CFTR: variants seen among roughly 807,000 people sequenced by gnomAD.
The protein encoded by CFTR is CF transmembrane conductance regulator, also known as cystic fibrosis transmembrane conductance regulator.
CFTR carries 181 observed loss-of-function variants against 171.6 expected under a neutral mutation model. The observed-to-expected ratio is 1.05, with a 90% CI of 0.93 to 1.19. The LOEUF (loss-of-function observed/expected upper bound fraction) is 1.19. Ranked by LOEUF, CFTR falls within the 50% of genes most tolerant of loss-of-function variation. The pLI, the probability that CFTR is intolerant of heterozygous loss-of-function variation, is 0.00. For synonymous variants in CFTR, 583 were observed against 608.0 expected, an observed-to-expected ratio of 0.96 and a Z score of 0.60; for missense variants, 1,968 against 1,734.7, an observed-to-expected ratio of 1.13 and a Z score of -2.39.
Position 117,509,049 on chromosome 7 carries a change from G to A in CFTR, c.180G>A (p.Glu60=), listed in dbSNP as rs569426839. 4.3e-6 allele frequency: 7 copies of A among 1,609,636 alleles called. No homozygotes were observed. In the African/African-American group the frequency reaches 8.0e-5, roughly 18 times the overall value. The change falls in exon 3 of 27, where the codon GAG becomes GAA. Residue 60 remains glutamate (E), a synonymous_variant. Transcript: ENST00000003084. ...SEKLEREWDR[E]LASKKNPKLI... ...TCTTTTGCAGAGAATGGGATAGAGA[G>A]CTGGCTTCAAAGAAAAATCCTAAAC... is the stretch of plus-strand genomic sequence containing the variant.
intron 24 of CFTR, among the ~76,000 whole-genome samples, chr7:117,658,586 A>G (rs1793217012): frequency 6.6e-6 from 1 of 152,152 alleles, no homozygotes; most frequent in Non-Finnish European, 1.5e-5. Context: ...TATGTCAATA[A>G]GTGAGTTCCT....
chr7:117,546,703 TAC>T (rs991578918), intron 9 of CFTR, among the ~76,000 whole-genome samples: 2 of 152,218 alleles, frequency 1.3e-5, no homozygotes, highest in Admixed American at 6.5e-5. Context: ...CTAAGCATGA[TAC>T]TCACAACTTT....
intron 19 of CFTR, among the ~76,000 whole-genome samples, 196 bp from the exon 20 acceptor site, chr7:117,611,385 A>G (rs1324228852): frequency 1.3e-5 from 2 of 152,158 alleles, no homozygotes; most frequent in Non-Finnish European, 2.9e-5. Context: ...AGCCAAGTAA[A>G]AAAAGAGGGT....
intron 11 of CFTR, among the ~76,000 whole-genome samples, chr7:117,565,566 G>C (rs1286224840): frequency 6.6e-6 from 1 of 152,150 alleles, no homozygotes; most frequent in African/African-American, 2.4e-5. Flanking sequence ...GAGTGAGAAG[G>C]AGGTCAGAGC....
chr7:117,482,471 C>T (rs1448930756), intron 1 of CFTR, among the ~76,000 whole-genome samples: 1 of 151,884 alleles, frequency 6.6e-6, no homozygotes, highest in Admixed American at 6.6e-5. Flanking sequence ...CTATCATAAT[C>T]CATATATATA....
chr7:117,529,902 C>T (rs1163544796), intron 3 of CFTR, among the ~76,000 whole-genome samples: 3 of 151,974 alleles, frequency 2.0e-5, no homozygotes, highest in Non-Finnish European at 4.4e-5. Context: ...TCAGGGTTAC[C>T]CTCTGATCCC....
At chr7:117,540,942 C>A (rs991164592) in intron 8 of CFTR, among the ~76,000 whole-genome samples, 1 of 152,134 alleles carries the variant, frequency 6.6e-6, no homozygotes, top group African/African-American at 2.4e-5. Context: ...ATGTCTCACA[C>A]ACACACACAC....
intron 18 of CFTR, among the ~76,000 whole-genome samples, chr7:117,609,898 C>G (rs1173549931): frequency 6.6e-6 from 1 of 151,810 alleles, no homozygotes; most frequent in Non-Finnish European, 1.5e-5. Context: ...TTATCAGTGA[C>G]CTAAACAATT....
intron 11 of CFTR, among the ~76,000 whole-genome samples, chr7:117,585,534 G>A (rs564766286): frequency 2.4e-4 from 37 of 152,142 alleles, no homozygotes; most frequent in African/African-American, 8.9e-4. Flanking sequence ...TAGAAAATTT[G>A]CCTCTTTTTC....
At chr7:117,612,006 G>GATATATATATATATATATATATAT (rs375943671) in intron 20 of CFTR, among the ~76,000 whole-genome samples, 198 bp downstream of exon 20, 1 of 76,796 alleles carries the variant, frequency 1.3e-5, no homozygotes, top group Non-Finnish European at 2.6e-5. Context: ...CTTGAAATCG[G>GATATATATATATATATATATATAT]ATATATATAT....
intron 18 of CFTR, among the ~76,000 whole-genome samples, chr7:117,608,187 G>T (rs1333911746): frequency 2.0e-5 from 3 of 151,120 alleles, no homozygotes; most frequent in Non-Finnish European, 4.4e-5. Context: ...TTTTATGCCA[G>T]TTTGAATCAT....
chr7:117,627,480 C>A, intron 21 of CFTR, 42 bp from the exon 22 acceptor site: 1 of 1,607,418 alleles, frequency 6.2e-7, no homozygotes, highest in South Asian at 1.1e-5. Flanking sequence ...GTGAAATTGT[C>A]TGCCATTCTT....
intron 24 of CFTR, among the ~76,000 whole-genome samples, chr7:117,656,592 C>T (rs986928300): frequency 1.3e-5 from 2 of 151,998 alleles, no homozygotes; most frequent in African/African-American, 2.4e-5. Flanking sequence ...GAGAAATTCT[C>T]GAAATTCTGG....
At chr7:117,508,961 A>G (rs148573950) in intron 2 of CFTR, 73 bp from the exon 3 acceptor site, 42 of 933,604 alleles carry the variant, frequency 4.5e-5, no homozygotes, top group Non-Finnish European at 6.9e-5. Context: ...GAATCAAACT[A>G]TGTTAAGGGA....
intron 12 of CFTR, among the ~76,000 whole-genome samples, chr7:117,589,939 C>T (rs213968): frequency 0.54 from 82,689 of 151,798 alleles, 25,213 homozygotes; most frequent in African/African-American, 0.83. Context: ...TAATTTTTGC[C>T]ATTGTATTTT....
At chr7:117,563,528 G>A (rs1344884848) in intron 11 of CFTR, among the ~76,000 whole-genome samples, 5 of 152,044 alleles carry the variant, frequency 3.3e-5, no homozygotes, top group African/African-American at 1.2e-4. Context: ...TAGAAGAGGG[G>A]AGAAATTGGT....
intron 1 of CFTR, chr7:117,487,815 G>T (rs2116614135): frequency 6.6e-6 from 1 of 152,182 alleles, no homozygotes; most frequent in Admixed American, 6.5e-5. Context: ...TGAAAATTAA[G>T]CATAATAGGC....
chr7:117,536,791 C>A, intron 7 of CFTR, 118 bp downstream of exon 7: 1 of 867,654 alleles, frequency 1.2e-6, no homozygotes, highest in Non-Finnish European at 1.8e-6. Flanking sequence ...CAAATGATTG[C>A]ATTTAAGTTC....
intron 1 of CFTR, among the ~76,000 whole-genome samples, chr7:117,491,158 G>C (rs1798154026): frequency 6.6e-6 from 1 of 151,996 alleles, no homozygotes; most frequent in Non-Finnish European, 1.5e-5. Flanking sequence ...AATACTGCAG[G>C]CAGTTGTGAC....
Sources: gnomAD v4.1 joint callset for allele counts (sites outside exome capture counted in the v4.1 genomes callset) on GRCh38, gnomAD v4.1.1 for gene constraint, MANE v1.5 for transcripts, NCBI Gene and HGNC (gene_info 2026-07-23, HGNC 2026-07-21) for gene names.